The following MME variants were observed in gnomAD, a reference collection of about 807,000 sequenced individuals.
MME encodes neprilysin.
Under a neutral mutation model 113.2 loss-of-function variants are expected in MME, and 98 were observed. The observed-to-expected ratio is 0.87, with a 90% CI of 0.74 to 1.02. The LOEUF is 1.02. Ranked by LOEUF, MME falls within the 50% of genes least tolerant of loss-of-function variation. The pLI is 0.00. For missense variants in MME, 836 were observed against 896.0 expected (o/e 0.93, Z 0.86); for synonymous variants, 292 against 300.6 (o/e 0.97, Z 0.30).
chr3:155,057,625 T>C (rs186303693), intron 1 of MME, among the ~76,000 whole-genome samples: 190 of 152,182 alleles, frequency 1.2e-3, no homozygotes, highest in Non-Finnish European at 2.0e-3. Context: ...GGGAGTGAGT[T>C]ACATTTTATA....
At chr3:155,164,143 C>CA (rs34922274) in intron 17 of MME, among the ~76,000 whole-genome samples, 15,892 of 89,912 alleles carry the variant, frequency 0.18, 1,074 homozygotes, top group East Asian at 0.31. Context: ...GACCCTGTTT[C>CA]AAAAAAAAAA....
intron 8 of MME, among the ~76,000 whole-genome samples, chr3:155,132,117 A>G (rs1045766446): frequency 1.3e-5 from 2 of 152,200 alleles, no homozygotes; most frequent in African/African-American, 4.8e-5. Flanking sequence ...TCCCTGATCC[A>G]TAGGTAGTTG....
At position 155,180,618 on chromosome 3, in the gene MME, C is replaced by T. The variant is rs701109; in HGVS notation, c.*159C>T. 0.38 allele frequency: 260,638 copies of T among 679,846 alleles called. 51,825 individuals carry two copies. Among genetic ancestry groups the T allele is most frequent in the African/African-American group, 0.58 (32,205 of 55,704 alleles). The allele number at this position is 679,846 out of a possible 1,614,324, so 42.1% of individuals were successfully genotyped here. On this transcript the variant is annotated 3_prime_UTR_variant, in exon 23 of 23. Transcript: ENST00000360490. The stretch of plus-strand genomic sequence containing the variant: ...CACAATACAGATAACATTAGGTTGT[C>T]CTAGAAAGGGTGTGGAGGGAGGAAG...
chr3:155,139,696 C>G (rs1469394378), intron 9 of MME, among the ~76,000 whole-genome samples: 1 of 152,174 alleles, frequency 6.6e-6, no homozygotes, highest in Non-Finnish European at 1.5e-5. Flanking sequence ...AAATTGTGCT[C>G]TGTACTAGGA....
chr3:155,160,243 A>C (rs753799559), intron 16 of MME, 147 bp from the exon 17 acceptor site: 1 of 684,486 alleles, frequency 1.5e-6, no homozygotes, highest in Non-Finnish European at 2.7e-6. Flanking sequence ...ATGAGCTCTC[A>C]CCTAGTGAAC....
At position 155,147,196 on chromosome 3, in the gene MME, A is replaced by G. The variant is rs764118094; in HGVS notation, c.1469A>G (p.Asp490Gly). 1.2e-6 allele frequency: 2 copies of G among 1,607,774 alleles called. No individual in the cohort carries two copies. The highest frequency in any genetic ancestry group is 1.7e-5 in the Admixed American group (1 of 59,970). The change falls in exon 15 of 23, where the codon GAT becomes GGT. Residue 490 changes from aspartate (D) to glycine (G), a missense_variant. Asp to Gly is a moderately conservative substitution (Grantham distance 94, BLOSUM62 -1). Coordinates refer to ENST00000360490, the MANE Select transcript of MME (RefSeq NM_007289.4). ...TATCCTGATGACATTGTTTCAAATG[A>G]TAACAAACTGAATAATGAGTACCTC... ...IGYPDDIVSN[D>G]NKLNNEYLEL...
chr3:155,172,723 CT>C (rs11445808), intron 22 of MME, 111 bp downstream of exon 22: 62,760 of 597,378 alleles, frequency 0.11, no homozygotes, highest in South Asian at 0.12. Context: ...AAATTCAGTG[CT>C]TTTTTTTTTT....
intron 16 of MME, among the ~76,000 whole-genome samples, chr3:155,159,449 T>A (rs1722555297): frequency 1.3e-5 from 2 of 152,040 alleles, no homozygotes; most frequent in African/African-American, 4.8e-5. Flanking sequence ...ATTTTTCCAA[T>A]GAGCAAGTAA....
chr3:155,147,179 T>C lies in MME; in HGVS notation c.1452T>C (p.Asp484=). The C allele has an allele frequency of 6.2e-7, 1 of 1,609,136 alleles. No homozygotes were observed. The highest frequency in any genetic ancestry group is 1.1e-5 in the South Asian group (1 of 90,978). The change falls in exon 15 of 23, where the codon GAT becomes GAC. Residue 484 remains aspartate (D), a synonymous_variant. Transcript: ENST00000360490. Reference sequence around the variant, plus strand: ...TTAAAGAAAGGATCGGCTATCCTGATGACATTGTTTCAAATGATAACAAAC... The same window carrying C: ...TTAAAGAAAGGATCGGCTATCCTGACGACATTGTTTCAAATGATAACAAAC... ...LAIKERIGYP[D]DIVSNDNKLN... is the part of the protein sequence containing the mutation.
At chr3:155,077,826 AAGTC>A (rs1714807999), upstream of MME, among the ~76,000 whole-genome samples, 2 of 152,190 alleles carry the variant, frequency 1.3e-5, no homozygotes, top group South Asian at 4.1e-4. Context: ...TATCAGCTGA[AAGTC>A]AGAGTCTAAA....
intron 8 of MME, among the ~76,000 whole-genome samples, chr3:155,119,021 C>T (rs958230103): frequency 6.6e-6 from 1 of 152,150 alleles, no homozygotes; most frequent in African/African-American, 2.4e-5. Flanking sequence ...AACTAGGAAA[C>T]TTGAAATTCC....
At position 155,084,043 on chromosome 3, in the gene MME, G is replaced by A. The variant is rs56208271; in HGVS notation, c.-10-115G>A. On this transcript the variant is annotated intron_variant, in intron 1 of 22. Transcript: ENST00000360490. ...ATTTTGACTTCTCAACAGCAAAAATGTATTTCTATTTTAAAATAACTGAGC... is the reference window on the plus strand; with the variant it reads ...ATTTTGACTTCTCAACAGCAAAAATATATTTCTATTTTAAAATAACTGAGC... 200,614 of 1,010,870 alleles carry A rather than the reference G, an allele frequency of 0.2. 22,896 individuals are homozygous for A. Among genetic ancestry groups the A allele is most frequent in the Non-Finnish European group, 0.24 (159,762 of 671,304 alleles). 62.6% of individuals were successfully genotyped at this position (1,010,870 alleles called of 1,614,324 possible).
At chr3:155,051,262 T>C (rs1713755186) in intron 1 of MME, among the ~76,000 whole-genome samples, 1 of 152,220 alleles carries the variant, frequency 6.6e-6, no homozygotes. Flanking sequence ...AAAATTTAGA[T>C]GACATTATTC....
rs1490320948 is a variant in MME at position 155,052,932 on chromosome 3, C to T, written c.-11+28608C>T. Among the ~76,000 whole-genome samples the T allele has an allele frequency of 2.6e-5, 4 of 152,206 alleles. No homozygotes were observed. In the East Asian group the frequency reaches 5.8e-4, roughly 22 times the overall value. ...ATTTCTTCTGCCAGATACTCTAAAT[C>T]ATCTCTCTCAAGTTCAAAGTTCCAC... On this transcript the variant is annotated intron_variant, in intron 1 of 22. Coordinates refer to the MME transcript ENST00000492661.
intron 1 of MME, among the ~76,000 whole-genome samples, chr3:155,072,755 G>GT (rs1177319392): frequency 1.3e-5 from 2 of 152,142 alleles, no homozygotes; most frequent in African/African-American, 4.8e-5. Context: ...ATATCTGCAG[G>GT]TTTTTTCTGA....
At chr3:155,154,375 T>C (rs1722164559) in intron 16 of MME, among the ~76,000 whole-genome samples, 1 of 152,166 alleles carries the variant, frequency 6.6e-6, no homozygotes, top group African/African-American at 2.4e-5. Flanking sequence ...GCCACTGCAA[T>C]GAGTGCCTAA....
intron 1 of MME, among the ~76,000 whole-genome samples, chr3:155,041,299 C>T (rs1478639118): frequency 6.6e-6 from 1 of 152,196 alleles, no homozygotes; most frequent in Non-Finnish European, 1.5e-5. Flanking sequence ...TTTAATATCA[C>T]TCTTGTTTAA....
upstream of MME, among the ~76,000 whole-genome samples, chr3:155,078,257 G>T (rs1714836227): frequency 6.6e-6 from 1 of 152,092 alleles, no homozygotes; most frequent in Non-Finnish European, 1.5e-5. Context: ...TTTCCAGGGC[G>T]CTAGTCAAGC....
intron 1 of MME, among the ~76,000 whole-genome samples, chr3:155,030,332 G>A (rs2108113085): frequency 1.3e-5 from 2 of 152,178 alleles, no homozygotes; most frequent in Middle Eastern, 6.8e-3. Flanking sequence ...TTTCAAAATA[G>A]CCAGCTAAAT....
Sources: gnomAD v4.1 joint callset for allele counts (sites outside exome capture counted in the v4.1 genomes callset) on GRCh38, gnomAD v4.1.1 for gene constraint, MANE v1.5 for transcripts, NCBI Gene and HGNC (gene_info 2026-07-23, HGNC 2026-07-21) for gene names.